PHF20: variants seen among roughly 807,000 people sequenced by gnomAD.
PHF20 encodes PHD finger protein 20.
In PHF20, 23 loss-of-function variants were observed where a neutral mutation model predicts 113.5. The observed-to-expected ratio is 0.20, with a 90% confidence interval of 0.15 to 0.29. The LOEUF is 0.29. Among genes scored for constraint, PHF20 ranks in the 10% least tolerant of loss-of-function variants. The probability of loss-of-function intolerance (pLI) is 1.00; values close to 1 mark genes in which losing one functional copy is unlikely to be tolerated. For synonymous variants in PHF20, 434 were observed against 457.3 expected, an observed-to-expected ratio of 0.95 and a Z score of 0.65; for missense variants, 943 against 1,219.6, an observed-to-expected ratio of 0.77 and a Z score of 3.38.
intron 12 of PHF20, 73 bp downstream of exon 12, chr20:35,914,270 A>G: frequency 6.7e-7 from 1 of 1,487,196 alleles, no homozygotes; most frequent in Non-Finnish European, 9.3e-7. Flanking sequence ...GGGAGATATT[A>G]TGGGTTTGGT....
chr20:35,811,445 CT>C (rs1392193315), intron 2 of PHF20, among the ~76,000 whole-genome samples: 289 of 139,648 alleles, frequency 2.1e-3, no homozygotes, highest in Admixed American at 1.8e-3. Context: ...TAAGTCCCAG[CT>C]TTTTTTTTTT....
intron 5 of PHF20, among the ~76,000 whole-genome samples, chr20:35,861,410 A>C (rs1442339512): frequency 6.6e-6 from 1 of 152,010 alleles, no homozygotes; most frequent in Non-Finnish European, 1.5e-5. Context: ...GTATTTATTT[A>C]TTTTCAAAAT....
At chr20:35,776,625 T>A (rs1425774385) in intron 1 of PHF20, among the ~76,000 whole-genome samples, 4 of 152,224 alleles carry the variant, frequency 2.6e-5, no homozygotes, top group Non-Finnish European at 5.9e-5. Flanking sequence ...TCTGGCCCTC[T>A]TCCACGTGAT....
intron 9 of PHF20, among the ~76,000 whole-genome samples, chr20:35,893,118 G>A (rs1463637544): frequency 6.6e-6 from 1 of 152,224 alleles, no homozygotes; most frequent in Non-Finnish European, 1.5e-5. Context: ...TGAGTGCCAA[G>A]CTGGCGCTCC....
chr20:35,879,720 A>C (rs774452428), intron 9 of PHF20, among the ~76,000 whole-genome samples: 5 of 151,858 alleles, frequency 3.3e-5, no homozygotes, highest in African/African-American at 4.8e-5. Flanking sequence ...TCAAAAAAAA[A>C]ACAAAAAAAC....
chr20:35,792,488 T>G (rs2041577587), intron 1 of PHF20, among the ~76,000 whole-genome samples: 1 of 151,892 alleles, frequency 6.6e-6, no homozygotes, highest in African/African-American at 2.4e-5. Context: ...CGTGCCTGGC[T>G]TCTTCCCTCT....
Position 35,913,364 on chromosome 20 carries a change from A to G in PHF20, c.1660+17A>G. ...CCAAACCTGGTAATTTTTTTTCCTG[A>G]GGGTTTCACTTAGGTTTCCTTACTA... On this transcript the variant is annotated intron_variant, in intron 11 of 17. Transcript: ENST00000374012. 1 of 1,548,450 alleles carries G rather than the reference A, an allele frequency of 6.5e-7. No individual in the cohort carries two copies. The highest frequency in any genetic ancestry group is 8.8e-7 in the Non-Finnish European group (1 of 1,130,228).
chr20:35,854,392 C>T (rs1327309458), intron 4 of PHF20, among the ~76,000 whole-genome samples: 1 of 152,158 alleles, frequency 6.6e-6, no homozygotes, highest in Non-Finnish European at 1.5e-5. Flanking sequence ...GAACAGGATA[C>T]ACTTATTTTG....
At chr20:35,871,205 A>G (rs928414937) in intron 8 of PHF20, 71 bp downstream of exon 8, 21 of 1,215,018 alleles carry the variant, frequency 1.7e-5, no homozygotes, top group African/African-American at 3.1e-5. Flanking sequence ...GTAAATCATT[A>G]TGTTCTGCCT....
At chr20:35,775,067 T>G (rs2041144504) in intron 1 of PHF20, 1 of 152,188 alleles carries the variant, frequency 6.6e-6, no homozygotes, top group Non-Finnish European at 1.5e-5. Flanking sequence ...AACAGATACT[T>G]TGTCTCTTTC....
intron 9 of PHF20, among the ~76,000 whole-genome samples, chr20:35,881,922 C>G (rs1334129035): frequency 6.6e-6 from 1 of 152,244 alleles, no homozygotes; most frequent in Admixed American, 6.5e-5. Flanking sequence ...CTGCTGCAGC[C>G]ACATGGCCTC....
intron 5 of PHF20, 24 bp from the exon 6 acceptor site, chr20:35,862,989 T>G: frequency 6.5e-7 from 1 of 1,536,356 alleles, no homozygotes; most frequent in Non-Finnish European, 8.7e-7. Flanking sequence ...ACGAAGTGTT[T>G]CATCGCTATT....
chr20:35,784,958 G>A (rs2041379111), intron 1 of PHF20, among the ~76,000 whole-genome samples: 1 of 152,012 alleles, frequency 6.6e-6, no homozygotes, highest in Non-Finnish European at 1.5e-5. Flanking sequence ...GCTGAGGTGG[G>A]GAGGATGGTT....
chr20:35,889,231 G>A (rs2054800529), intron 9 of PHF20, among the ~76,000 whole-genome samples: 1 of 151,950 alleles, frequency 6.6e-6, no homozygotes, highest in Non-Finnish European at 1.5e-5. Flanking sequence ...AGCCAGGCTA[G>A]TCTCGAACTC....
chr20:35,842,842 C>T, intron 3 of PHF20, 98 bp downstream of exon 3: 1 of 964,612 alleles, frequency 1.0e-6, no homozygotes, highest in South Asian at 1.6e-5. Context: ...GAGACCAGTT[C>T]TTATTTAGGC....
At chr20:35,901,745 C>G (rs1380981064) in intron 10 of PHF20, among the ~76,000 whole-genome samples, 1 of 152,180 alleles carries the variant, frequency 6.6e-6, no homozygotes, top group African/African-American at 2.4e-5. Context: ...TTTAAGAGTA[C>G]AGACCTGATT....
At chr20:35,829,129 G>T (rs2146915694) in intron 2 of PHF20, among the ~76,000 whole-genome samples, 1 of 152,236 alleles carries the variant, frequency 6.6e-6, no homozygotes, top group East Asian at 1.9e-4. Context: ...CATCTAGAAT[G>T]TTCTCACGAT....
intron 15 of PHF20, among the ~76,000 whole-genome samples, chr20:35,933,605 G>A (rs2055807080): frequency 6.6e-6 from 1 of 152,052 alleles, no homozygotes; most frequent in African/African-American, 2.4e-5. Context: ...CACCGTGTTA[G>A]CCAGGATGGT....
In PHF20 at chr20:35,917,674, T is replaced by A. The variant is rs762240544; in HGVS notation, c.2004+12T>A. 2.5e-6 allele frequency: 4 copies of A among 1,609,616 alleles called. No individual in the cohort carries two copies. ...ACTTCATGATTCAGGTAGGCAGAGC[T>A]TCCAGGAAACAGGTCTAGAGAAGCA... is the stretch of plus-strand genomic sequence containing the variant. On this transcript the variant is annotated intron_variant, in intron 13 of 17. Transcript: ENST00000374012.
Sources: gnomAD v4.1 joint callset for allele counts (sites outside exome capture counted in the v4.1 genomes callset) on GRCh38, gnomAD v4.1.1 for gene constraint, MANE v1.5 for transcripts, NCBI Gene and HGNC (gene_info 2026-07-23, HGNC 2026-07-21) for gene names.